Variants in ROBO1 observed in about 807,000 individuals in gnomAD.
The protein encoded by ROBO1 is roundabout homolog 1.
Under a neutral mutation model 195.9 loss-of-function variants are expected in ROBO1, and 149 were observed. The observed-to-expected ratio is 0.76, with a 90% CI of 0.67 to 0.87. The LOEUF is 0.87. Ranked by LOEUF, ROBO1 falls within the 40% of genes least tolerant of loss-of-function variation. The pLI is 0.00. For synonymous variants in ROBO1, 816 were observed against 733.2 expected (o/e 1.11, Z -1.82); for missense variants, 1,933 against 2,068.3 (o/e 0.93, Z 1.27).
At chr3:79,472,575 T>C (rs1410023385) in intron 2 of ROBO1, among the ~76,000 whole-genome samples, 2 of 152,128 alleles carry the variant, frequency 1.3e-5, no homozygotes, top group Admixed American at 1.3e-4. Flanking sequence ...ACTTTAGGAA[T>C]TGGTGAGCTC....
At chr3:79,213,037 G>A (rs933130066) in intron 2 of ROBO1, among the ~76,000 whole-genome samples, 3 of 150,426 alleles carry the variant, frequency 2.0e-5, no homozygotes, top group African/African-American at 7.3e-5. Context: ...CAAGCTCAGG[G>A]GTTCAAGACC....
intron 30 of ROBO1, among the ~76,000 whole-genome samples, chr3:78,599,619 A>C (rs1703050597): frequency 7.0e-6 from 1 of 142,770 alleles, no homozygotes; most frequent in South Asian, 2.3e-4. Flanking sequence ...TGACGTAAGA[A>C]GTTTCCTCCA....
At chr3:79,200,085 A>G (rs1463499964) in intron 2 of ROBO1, among the ~76,000 whole-genome samples, 1 of 151,810 alleles carries the variant, frequency 6.6e-6, no homozygotes, top group Non-Finnish European at 1.5e-5. Context: ...ATTTATATAA[A>G]GCAAAGCAGA....
At chr3:79,714,778 C>T (rs1702416022) in intron 1 of ROBO1, among the ~76,000 whole-genome samples, 1 of 147,112 alleles carries the variant, frequency 6.8e-6, no homozygotes, top group African/African-American at 2.6e-5. Flanking sequence ...TGTTCTCACT[C>T]ATAGGTGGGA....
intron 19 of ROBO1, among the ~76,000 whole-genome samples, chr3:78,648,141 A>C (rs1273389600): frequency 6.6e-6 from 1 of 152,046 alleles, no homozygotes; most frequent in Non-Finnish European, 1.5e-5. Context: ...AAGGAAAAGA[A>C]GGAAAGGCAA....
At chr3:78,666,683 G>C (rs142960352) in intron 14 of ROBO1, among the ~76,000 whole-genome samples, 13 of 152,192 alleles carry the variant, frequency 8.5e-5, no homozygotes, top group Non-Finnish European at 1.6e-4. Flanking sequence ...AGACAAACGT[G>C]GGCATGTTCT....
chr3:79,482,847 T>C (rs1258213653), intron 2 of ROBO1, among the ~76,000 whole-genome samples: 4 of 152,146 alleles, frequency 2.6e-5, no homozygotes, highest in Non-Finnish European at 5.9e-5. Flanking sequence ...ATTTAGGAAA[T>C]AGCGTTTGAC....
At position 78,986,700 on chromosome 3, in the gene ROBO1, A is replaced by G. The variant is rs1244417759; in HGVS notation, c.173-47773T>C. ...AAACATTTTGATCTGAAGAACATGTATAGAAGGCAGCTACTTGTTCAGCAG... is the reference window on the plus strand; with the variant it reads ...AAACATTTTGATCTGAAGAACATGTGTAGAAGGCAGCTACTTGTTCAGCAG... On this transcript the variant is annotated intron_variant, in intron 3 of 30. Coordinates refer to ENST00000464233, the MANE Select transcript of ROBO1 (RefSeq NM_002941.4). Among the ~76,000 whole-genome samples the G allele has an allele frequency of 2.6e-5, 4 of 152,316 alleles. No individual in the cohort carries two copies. In the South Asian group the frequency reaches 8.3e-4, roughly 32 times the overall value.
chr3:79,684,245 C>T (rs1947034424), intron 1 of ROBO1, among the ~76,000 whole-genome samples: 1 of 152,152 alleles, frequency 6.6e-6, no homozygotes, highest in Admixed American at 6.6e-5. Context: ...ATTGTCAGCA[C>T]TTCTTTTTGG....
At chr3:79,377,173 C>T (rs2036413818) in intron 2 of ROBO1, among the ~76,000 whole-genome samples, 1 of 151,820 alleles carries the variant, frequency 6.6e-6, no homozygotes, top group African/African-American at 2.4e-5. Flanking sequence ...TGTGACCCCC[C>T]TAATTTATTA....
chr3:79,021,642 C>G (rs1025131492), intron 3 of ROBO1, among the ~76,000 whole-genome samples: 1 of 144,358 alleles, frequency 6.9e-6, no homozygotes, highest in Non-Finnish European at 1.5e-5. Flanking sequence ...TCTTCCACTC[C>G]TAGAGATGAT....
intron 2 of ROBO1, among the ~76,000 whole-genome samples, chr3:79,304,949 CA>C (rs2033149613): frequency 1.3e-5 from 2 of 152,172 alleles, no homozygotes; most frequent in Admixed American, 6.5e-5. Context: ...AACTGTTTTC[CA>C]AAAAGTTCCA....
At chr3:79,651,177 C>G (rs1945995163) in intron 1 of ROBO1, among the ~76,000 whole-genome samples, 1 of 152,018 alleles carries the variant, frequency 6.6e-6, no homozygotes, top group African/African-American at 2.4e-5. Flanking sequence ...TATGGCCTAT[C>G]CCATCCAAAT....
chr3:79,527,041 T>G (rs928336278), intron 2 of ROBO1, among the ~76,000 whole-genome samples: 1 of 152,184 alleles, frequency 6.6e-6, no homozygotes, highest in African/African-American at 2.4e-5. Context: ...TGAAAGTTAA[T>G]GACAATTATT....
intron 2 of ROBO1, among the ~76,000 whole-genome samples, chr3:79,506,903 C>G (rs555492678): frequency 6.6e-6 from 1 of 151,864 alleles, no homozygotes; most frequent in Admixed American, 6.6e-5. Context: ...AACCAAATAT[C>G]CAAACCCCAA....
At chr3:78,884,973 A>C (rs1158992261) in intron 4 of ROBO1, among the ~76,000 whole-genome samples, 1 of 151,846 alleles carries the variant, frequency 6.6e-6, no homozygotes, top group African/African-American at 2.4e-5. Context: ...TCCCTCCCTT[A>C]TACCACTCTA....
intron 2 of ROBO1, among the ~76,000 whole-genome samples, chr3:79,401,564 G>T (rs1039210331): frequency 6.6e-6 from 1 of 151,780 alleles, no homozygotes; most frequent in Non-Finnish European, 1.5e-5. Flanking sequence ...TAAGTTGGAA[G>T]CATTTTAATT....
At chr3:79,278,801 C>T (rs2031272169) in intron 2 of ROBO1, among the ~76,000 whole-genome samples, 2 of 151,994 alleles carry the variant, frequency 1.3e-5, no homozygotes, top group Non-Finnish European at 2.9e-5. Context: ...TGAATAAGAT[C>T]TCAAAAGCAC....
chr3:79,700,317 T>TTGTGTGTG (rs71130610), intron 1 of ROBO1, among the ~76,000 whole-genome samples: 34,053 of 144,010 alleles, frequency 0.24, 4,412 homozygotes, highest in Middle Eastern at 0.36. Flanking sequence ...GTGTGTGTGT[T>TTGTGTGTG]TGTGTGTGTG....
Sources: gnomAD v4.1 joint callset for allele counts (sites outside exome capture counted in the v4.1 genomes callset) on GRCh38, gnomAD v4.1.1 for gene constraint, MANE v1.5 for transcripts, NCBI Gene and HGNC (gene_info 2026-07-23, HGNC 2026-07-21) for gene names.